Variants in SF3A1 observed in about 807,000 individuals in gnomAD.
SF3A1 encodes the protein SAP 114.
SF3A1 carries 13 observed loss-of-function variants against 89.9 expected under a neutral mutation model. That is an observed-to-expected ratio of 0.14 (90% confidence interval 0.09 to 0.23). SF3A1 has a LOEUF of 0.23. Ranked by LOEUF, SF3A1 falls within the 10% of genes least tolerant of loss-of-function variation. The pLI is 1.00. For synonymous variants in SF3A1, 405 were observed against 374.4 expected (o/e 1.08, Z -0.94); for missense variants, 604 against 1,022.1 (o/e 0.59, Z 5.58).
At chr22:30,342,391 G>A in intron 5 of SF3A1, 41 bp from the exon 6 acceptor site, 1 of 1,559,080 alleles carries the variant, frequency 6.4e-7, no homozygotes, top group East Asian at 2.4e-5. Context: ...GCTGAAGCAG[G>A]GTCTGCTCCT....
intron 11 of SF3A1, 57 bp from the exon 12 acceptor site, chr22:30,337,954 C>CGTGTG: frequency 1.5e-6 from 2 of 1,299,132 alleles, no homozygotes; most frequent in Non-Finnish European, 2.2e-6. Context: ...TCCAAGGTCA[C>CGTGTG]ACACAGTTGG....
At chr22:30,352,086 G>A (rs1009738828) in intron 2 of SF3A1, among the ~76,000 whole-genome samples, 29 of 150,724 alleles carry the variant, frequency 1.9e-4, no homozygotes, top group Non-Finnish European at 2.7e-4. Flanking sequence ...GGAGGAACCC[G>A]GAGCAATTCC....
At chr22:30,351,733 A>C (rs756655022) in intron 2 of SF3A1, among the ~76,000 whole-genome samples, 2 of 152,190 alleles carry the variant, frequency 1.3e-5, no homozygotes, top group Non-Finnish European at 2.9e-5. Flanking sequence ...CCTGAGTTCA[A>C]GTGATCTTCC....
At chr22:30,342,972 G>T in intron 4 of SF3A1, 93 bp from the exon 5 acceptor site, 1 of 763,058 alleles carries the variant, frequency 1.3e-6, no homozygotes. Flanking sequence ...CACAGGAGAT[G>T]AGGAAGCATG....
At chr22:30,353,919 C>T (rs549578225) in intron 1 of SF3A1, among the ~76,000 whole-genome samples, 1 of 152,334 alleles carries the variant, frequency 6.6e-6, no homozygotes, top group South Asian at 2.1e-4. Flanking sequence ...GTCTGTAACC[C>T]TGCACCCAGC....
At chr22:30,340,444 G>T in intron 8 of SF3A1, 63 bp from the exon 9 acceptor site, 1 of 1,506,738 alleles carries the variant, frequency 6.6e-7, no homozygotes, top group Non-Finnish European at 9.2e-7. Flanking sequence ...TAAGAGGGTG[G>T]TATTTCATGC....
chr22:30,346,297 C>G lies in SF3A1; in HGVS notation c.393+15G>C. The G allele has an allele frequency of 6.5e-7, 1 of 1,537,412 alleles. No individual in the cohort carries two copies. The highest frequency in any genetic ancestry group is 9.0e-7 in the Non-Finnish European group (1 of 1,110,608). On this transcript the variant is annotated intron_variant, in intron 3 of 15. Coordinates refer to ENST00000215793, the MANE Select transcript of SF3A1 (RefSeq NM_005877.6). Reference sequence around the variant, plus strand: ...TCAAGCCCTGCGTAAGTGAAGGGGGCACTGGGCTCCAAACCTTCTGGGGCA... The same window carrying G: ...TCAAGCCCTGCGTAAGTGAAGGGGGGACTGGGCTCCAAACCTTCTGGGGCA...
At chr22:30,347,783 T>C (rs1199277274) in intron 2 of SF3A1, among the ~76,000 whole-genome samples, 1 of 152,216 alleles carries the variant, frequency 6.6e-6, no homozygotes, top group Non-Finnish European at 1.5e-5. Flanking sequence ...TTTCCCCATG[T>C]GTAAAATGCA....
intron 13 of SF3A1, 95 bp from the exon 14 acceptor site, chr22:30,335,848 T>C (rs556047444): frequency 1.1e-5 from 11 of 1,019,972 alleles, no homozygotes; most frequent in Non-Finnish European, 1.7e-5. Flanking sequence ...CAATGTCACC[T>C]GTGCATCTGG....
Position 30,341,796 on chromosome 22 carries a change from C to T in SF3A1, c.967G>A (p.Val323Ile). 6.2e-7 allele frequency: 1 copy of T among 1,614,168 alleles called. No homozygotes were observed. Among genetic ancestry groups the T allele is most frequent in the Non-Finnish European group, 8.5e-7 (1 of 1,180,024 alleles). ...TCATCAGACTCGACCTCCATCTCAA[C>T]TTCCTCACTCTCCCCAAACTTTTCA... Reference protein sequence around the residue: ...RYEKFGESEEVEMEVESDEED... With the variant: ...RYEKFGESEEIEMEVESDEED... The change falls in exon 7 of 16, where the codon GTT becomes ATT. Residue 323 changes from valine (V) to isoleucine (I), a missense_variant. Physicochemically the swap from Val to Ile is conservative, Grantham distance 29. Coordinates refer to ENST00000215793, the MANE Select transcript of SF3A1 (RefSeq NM_005877.6).
intron 2 of SF3A1, among the ~76,000 whole-genome samples, chr22:30,346,954 T>C (rs980215560): frequency 2.0e-5 from 3 of 152,200 alleles, no homozygotes; most frequent in Admixed American, 1.3e-4. Context: ...AAAGTTTAGC[T>C]GGAAGTTTGC....
chr22:30,356,525 GGCT>G, intron 1 of SF3A1: 1 of 410,686 alleles, frequency 2.4e-6, no homozygotes, highest in Non-Finnish European at 4.3e-6. Flanking sequence ...GTGCCGACGG[GGCT>G]GCTCCGCGGA....
At chr22:30,347,053 A>G (rs1931443002) in intron 2 of SF3A1, among the ~76,000 whole-genome samples, 1 of 152,216 alleles carries the variant, frequency 6.6e-6, no homozygotes, top group Non-Finnish European at 1.5e-5. Context: ...TTGTCCTCTG[A>G]GTAACAAGAA....
intron 1 of SF3A1, among the ~76,000 whole-genome samples, chr22:30,353,752 A>G (rs762490146): frequency 2.6e-5 from 4 of 152,090 alleles, no homozygotes; most frequent in Non-Finnish European, 5.9e-5. Context: ...GAGTCTGCCG[A>G]CGCTCCCGGA....
Position 30,353,078 on chromosome 22 carries a change from C to A in SF3A1, c.64-6G>T, listed in dbSNP as rs1039771150. 1 of 1,613,608 alleles carries A rather than the reference C, an allele frequency of 6.2e-7. No homozygotes were observed. On this transcript the variant is annotated splice_region_variant and splice_polypyrimidine_tract_variant and intron_variant, in intron 1 of 15. Coordinates refer to ENST00000215793, the MANE Select transcript of SF3A1 (RefSeq NM_005877.6). ...GATGCTTCTTCTTCTGTGGGCTGTG[C>A]AAACAGGAAAAGAAATAAGGTTTTA... is the stretch of plus-strand genomic sequence containing the variant.
At position 30,337,108 on chromosome 22, in the gene SF3A1, G is replaced by T. The variant is rs368816206; in HGVS notation, c.2024C>A (p.Pro675His). Residue 675 changes from proline (P) to histidine (H), a missense_variant, in exon 13 of 16, where the codon CCC becomes CAC. By Grantham distance (77) the Pro-to-His change is moderately conservative (BLOSUM62 -2). Around this residue, in one of 9 missense-constraint regions of SF3A1, gnomAD observed 45 missense variants for 41.1 expected, o/e 1.09. Transcript: ENST00000215793. Reference sequence around the variant, plus strand: ...TTTGGAGGTGGGCTCATCTTCCATGGGAGGTGGGGGATGCACAGGGGGCAT... The same window carrying T: ...TTTGGAGGTGGGCTCATCTTCCATGTGAGGTGGGGGATGCACAGGGGGCAT... ...APMPPVHPPP[P>H]MEDEPTSKKL... The T allele has an allele frequency of 3.0e-5, 48 of 1,614,030 alleles. No individual in the cohort carries two copies. Among genetic ancestry groups the T allele is most frequent in the African/African-American group, 1.7e-4 (13 of 74,912 alleles).
intron 2 of SF3A1, among the ~76,000 whole-genome samples, chr22:30,350,959 G>T (rs986349268): frequency 6.6e-6 from 1 of 152,202 alleles, no homozygotes; most frequent in African/African-American, 2.4e-5. Context: ...GGTAATCAAA[G>T]CCCTTGAAAT....
chr22:30,337,678 A>C lies in SF3A1; in HGVS notation c.1951+12T>G. The stretch of plus-strand genomic sequence containing the variant: ...AACTAATGGCCTGGAAAATGATGCA[A>C]GAGATACTGACCTGTTGGCACAATC... On this transcript the variant is annotated intron_variant, in intron 12 of 15. Coordinates refer to ENST00000215793, the MANE Select transcript of SF3A1 (RefSeq NM_005877.6). 9 of 901,144 alleles carry C rather than the reference A, an allele frequency of 1.0e-5. No individual in the cohort carries two copies. The highest frequency in any genetic ancestry group is 1.3e-5 in the Non-Finnish European group (8 of 628,174). The allele number at this position is 901,144 out of a possible 1,614,324, so 55.8% of individuals were successfully genotyped here.
At chr22:30,341,941 C>T in intron 6 of SF3A1, 56 bp from the exon 7 acceptor site, 1 of 1,533,928 alleles carries the variant, frequency 6.5e-7, no homozygotes, top group East Asian at 2.3e-5. Context: ...CCTATTTGCC[C>T]TGTCTGAGCT....
Sources: gnomAD v4.1 joint callset for allele counts (sites outside exome capture counted in the v4.1 genomes callset) on GRCh38, gnomAD v4.1.1 for gene constraint, gnomAD v4.1.1 regional missense constraint, MANE v1.5 for transcripts, NCBI Gene and HGNC (gene_info 2026-07-23, HGNC 2026-07-21) for gene names.